PKHD1L1: variants seen among roughly 807,000 people sequenced by gnomAD.
PKHD1L1 encodes PKHD1 like 1, also known as fibrocystin-L.
Under a neutral mutation model 462.9 loss-of-function variants are expected in PKHD1L1, and 434 were observed. The observed-to-expected ratio is 0.94, with a 90% CI of 0.87 to 1.02. PKHD1L1 has a LOEUF of 1.02. PKHD1L1 is among the 50% of genes least tolerant of loss of function. PKHD1L1 has a pLI of 0.00. For missense variants in PKHD1L1, 5,202 were observed against 5,096.1 expected (o/e 1.02, Z -0.63); for synonymous variants, 1,781 against 1,750.0 (o/e 1.02, Z -0.44).
Position 109,497,037 on chromosome 8 carries a change from G to T in PKHD1L1, c.10446G>T (p.Trp3482Cys). The T allele has an allele frequency of 6.2e-7, 1 of 1,613,624 alleles. No individual in the cohort carries two copies. Among genetic ancestry groups the T allele is most frequent in the Middle Eastern group, 1.7e-4 (1 of 6,054 alleles). Reference sequence around the variant, plus strand: ...CTCTTATACAAGGATTTACCATTTGGACATGCTGGGATTATGGAATTTATT... The same window carrying T: ...CTCTTATACAAGGATTTACCATTTGTACATGCTGGGATTATGGAATTTATT... ...GCSLIQGFTI[W>C]TCWDYGIYFQ... The change falls in exon 64 of 78, where the codon TGG (tryptophan) becomes TGT (cysteine). Residue 3482 changes from tryptophan (W) to cysteine (C), a missense_variant. Coordinates refer to ENST00000378402, the MANE Select transcript of PKHD1L1 (RefSeq NM_177531.6).
At chr8:109,425,506 G>C (rs974220808) in intron 24 of PKHD1L1, among the ~76,000 whole-genome samples, 10 of 151,796 alleles carry the variant, frequency 6.6e-5, no homozygotes, top group Admixed American at 2.0e-4. Flanking sequence ...CCCATCCAAA[G>C]CTAACATTAT....
chr8:109,371,516 C>T lies in PKHD1L1; in HGVS notation c.163+6880C>T, dbSNP rs1413816070. 3.4e-3 allele frequency among the ~76,000 whole-genome samples: 508 copies of T among 149,848 alleles called. 2 individuals are homozygous for T. The highest frequency in any genetic ancestry group is 5.7e-3 in the Non-Finnish European group (382 of 67,510). On this transcript the variant is annotated intron_variant, in intron 2 of 77. Transcript: ENST00000378402. ...AGAAGCTCTTTAGTTTAATTAGATCCCATTTGTCAATTTTGGCTTTTGTTG... is the reference window on the plus strand; with the variant it reads ...AGAAGCTCTTTAGTTTAATTAGATCTCATTTGTCAATTTTGGCTTTTGTTG...
intron 76 of PKHD1L1, 145 bp downstream of exon 76, chr8:109,523,531 T>G: frequency 1.4e-6 from 1 of 703,644 alleles, no homozygotes. Context: ...TTTCAGAAAA[T>G]ATTTAGTCTA....
chr8:109,439,110 A>G lies in PKHD1L1; in HGVS notation c.3956+18A>G. On this transcript the variant is annotated intron_variant, in intron 32 of 77. Coordinates refer to ENST00000378402, the MANE Select transcript of PKHD1L1 (RefSeq NM_177531.6). ...TCAACAAGGTATGATAATGAACATA[A>G]ACTTGATGGAGTTGTAGAACACATG... The G allele has an allele frequency of 6.2e-7, 1 of 1,603,240 alleles. No individual in the cohort carries two copies.
intron 49 of PKHD1L1, among the ~76,000 whole-genome samples, chr8:109,466,132 C>T (rs1384235889): frequency 6.6e-6 from 1 of 152,160 alleles, no homozygotes; most frequent in African/African-American, 2.4e-5. Flanking sequence ...ATAATCGTAA[C>T]TTTAAAGAGG....
intron 45 of PKHD1L1, among the ~76,000 whole-genome samples, chr8:109,455,081 T>C (rs1260129453): frequency 6.6e-6 from 1 of 152,156 alleles, no homozygotes; most frequent in Non-Finnish European, 1.5e-5. Flanking sequence ...CTCATACCTG[T>C]AATCCCAGCA....
At chr8:109,444,008 C>A in intron 37 of PKHD1L1, 106 bp downstream of exon 37, 1 of 954,860 alleles carries the variant, frequency 1.0e-6, no homozygotes, top group South Asian at 1.7e-5. Flanking sequence ...TGAGCTATAT[C>A]ACATACCATA....
intron 23 of PKHD1L1, among the ~76,000 whole-genome samples, chr8:109,423,915 A>C (rs903376188): frequency 1.3e-5 from 2 of 152,142 alleles, no homozygotes; most frequent in Non-Finnish European, 1.5e-5. Flanking sequence ...GCAGTTGTAA[A>C]TGGTCTTGTG....
chr8:109,362,542 G>T lies in PKHD1L1; in HGVS notation c.-39G>T. ...CCGAGCTCCAGCACTAGAGCCAGCT[G>T]CGAGCGGAGGGCACCAACTCCGCAG... On this transcript the variant is annotated 5_prime_UTR_variant, in exon 1 of 78. Transcript: ENST00000378402. 6.4e-7 allele frequency: 1 copy of T among 1,550,598 alleles called. No individual in the cohort carries two copies. Among genetic ancestry groups the T allele is most frequent in the Non-Finnish European group, 8.8e-7 (1 of 1,139,796 alleles).
Position 109,530,353 on chromosome 8 carries a change from C to G in PKHD1L1, c.*263C>G. On this transcript the variant is annotated 3_prime_UTR_variant, in exon 78 of 78. Coordinates refer to ENST00000378402, the MANE Select transcript of PKHD1L1 (RefSeq NM_177531.6). ...TCATTTGGAAGTAGATATGACACCT[C>G]TAAGTTATTGTACCAACAAATCATA... is the stretch of plus-strand genomic sequence containing the variant. 4.5e-6 allele frequency: 1 copy of G among 221,660 alleles called. No homozygotes were observed. The highest frequency in any genetic ancestry group is 8.9e-6 in the Non-Finnish European group (1 of 112,138). 13.7% of individuals were successfully genotyped at this position (221,660 alleles called of 1,614,324 possible).
intron 56 of PKHD1L1, 38 bp from the exon 57 acceptor site, chr8:109,482,949 G>C: frequency 3.0e-6 from 4 of 1,343,248 alleles, no homozygotes; most frequent in Non-Finnish European, 4.1e-6. Flanking sequence ...ACTCAGTACT[G>C]TGGGGTGAAT....
At position 109,383,422 on chromosome 8, in the gene PKHD1L1, A is replaced by G. The variant is rs186108174; in HGVS notation, c.418-648A>G. Among the ~76,000 whole-genome samples the G allele has an allele frequency of 1.4e-3, 173 of 121,578 alleles. 2 individuals carry two copies. The East Asian group carries it at 0.021, about 14-fold the overall frequency. The allele number at this position is 121,578 out of a possible 152,430, so 79.8% of individuals were successfully genotyped here. A position where few individuals can be genotyped will look rare whatever the true frequency, so the allele number is the denominator to read the frequency against. ...TATTACGTATAATTATATATTATAT[A>G]TAATATATAATATATAAATATATTA... On this transcript the variant is annotated intron_variant, in intron 4 of 77. Transcript: ENST00000378402.
intron 67 of PKHD1L1, 124 bp from the exon 68 acceptor site, chr8:109,504,203 A>G (rs962963653): frequency 3.6e-6 from 2 of 553,724 alleles, no homozygotes; most frequent in Non-Finnish European, 6.0e-6. Flanking sequence ...CTTATTTACC[A>G]TATCAGGCAA....
intron 77 of PKHD1L1, among the ~76,000 whole-genome samples, chr8:109,527,690 G>A (rs1820888490): frequency 6.6e-6 from 1 of 152,134 alleles, no homozygotes; most frequent in Non-Finnish European, 1.5e-5. Context: ...TAAGGACTCA[G>A]ATGATATCTT....
chr8:109,375,001 G>A (rs1396073508), intron 2 of PKHD1L1, among the ~76,000 whole-genome samples: 8 of 152,144 alleles, frequency 5.3e-5, no homozygotes, highest in Non-Finnish European at 4.4e-5. Flanking sequence ...TTCTTGAGGA[G>A]TATCTTTGTG....
chr8:109,496,254 A>G (rs749452919), intron 63 of PKHD1L1, among the ~76,000 whole-genome samples: 1 of 152,224 alleles, frequency 6.6e-6, no homozygotes, highest in Non-Finnish European at 1.5e-5. Flanking sequence ...ACAAATAATT[A>G]ATAATAAAAA....
intron 3 of PKHD1L1, among the ~76,000 whole-genome samples, chr8:109,381,912 C>G (rs1398518477): frequency 6.6e-6 from 1 of 152,088 alleles, no homozygotes; most frequent in Non-Finnish European, 1.5e-5. Context: ...AGTGACATTT[C>G]AAGTTCTTTA....
rs1821021787 is a variant in PKHD1L1 at position 109,530,756 on chromosome 8, C to T, written c.*666C>T. 6.6e-6 allele frequency among the ~76,000 whole-genome samples: 1 copy of T among 152,140 alleles called. No individual in the cohort carries two copies. Among genetic ancestry groups the T allele is most frequent in the Admixed American group, 6.5e-5 (1 of 15,268 alleles). On this transcript the variant is annotated 3_prime_UTR_variant, in exon 78 of 78. Coordinates refer to ENST00000378402, the MANE Select transcript of PKHD1L1 (RefSeq NM_177531.6). Reference sequence around the variant, plus strand: ...CTTTTGGAACAAGTCCAAACTCCTTCTCTGCCTACCCCTCCTTCCCACTCA... The same window carrying T: ...CTTTTGGAACAAGTCCAAACTCCTTTTCTGCCTACCCCTCCTTCCCACTCA...
At position 109,483,098 on chromosome 8, in the gene PKHD1L1, A is replaced by G; in HGVS notation, c.9569A>G (p.Asp3190Gly). The G allele has an allele frequency of 1.3e-6, 2 of 1,575,964 alleles. No individual in the cohort carries two copies. The highest frequency in any genetic ancestry group is 1.8e-5 in the Admixed American group (1 of 54,410). The change falls in exon 57 of 78, where the codon GAT becomes GGT. Residue 3190 changes from aspartate to glycine, a missense_variant. Transcript: ENST00000378402. ...GTCCTGTCTCTGATGGATGCTGTGG[A>G]TTGGCAGGTAGACAAAATAATTATG... ...SKVLSLMDAV[D>G]WQEGEEIVIT...
Sources: gnomAD v4.1 joint callset for allele counts (sites outside exome capture counted in the v4.1 genomes callset) on GRCh38, gnomAD v4.1.1 for gene constraint, MANE v1.5 for transcripts, NCBI Gene and HGNC (gene_info 2026-07-23, HGNC 2026-07-21) for gene names.